Variants in STIP1 observed in about 807,000 individuals in gnomAD.
STIP1 encodes the protein stress-induced-phosphoprotein 1.
STIP1 carries 16 observed loss-of-function variants against 77.4 expected under a neutral mutation model. The ratio of observed to expected loss-of-function variants is 0.21; its 90% CI spans 0.14 to 0.31. The LOEUF (loss-of-function observed/expected upper bound fraction) is 0.31. Ranked by LOEUF, STIP1 falls within the 10% of genes least tolerant of loss-of-function variation. STIP1 has a pLI of 1.00. For missense variants in STIP1, 524 were observed against 684.8 expected, an observed-to-expected ratio of 0.77 and a Z score of 2.62; for synonymous variants, 258 against 246.6, an observed-to-expected ratio of 1.05 and a Z score of -0.44.
In STIP1 at chr11:64,197,008, C is replaced by T. The variant is rs558700278; in HGVS notation, c.673-263C>T. The T allele has an allele frequency of 2.0e-5, 9 of 445,424 alleles. No homozygotes were observed. The Admixed American group carries it at 2.1e-4, about 11-fold the overall frequency. The allele number at this position is 445,424 out of a possible 1,614,324, so 27.6% of individuals were successfully genotyped here. On this transcript the variant is annotated intron_variant, in intron 5 of 13. Coordinates refer to ENST00000305218, the MANE Select transcript of STIP1 (RefSeq NM_006819.3). ...TCAAGTCGAAGGGATTTCCTCTCCC[C>T]TAAAGAAGCGCTCTGCTTCCTGACA... is the stretch of plus-strand genomic sequence containing the variant.
chr11:64,200,739 T>C (rs1003167191), intron 10 of STIP1, among the ~76,000 whole-genome samples: 8 of 152,054 alleles, frequency 5.3e-5, no homozygotes, highest in South Asian at 2.1e-4. Context: ...CTCTTTTTTC[T>C]TTGTTTTTGC....
At chr11:64,194,089 C>T in intron 2 of STIP1, 100 bp from the exon 3 acceptor site, 5 of 1,489,036 alleles carry the variant, frequency 3.4e-6, no homozygotes, top group Non-Finnish European at 3.6e-6. Flanking sequence ...TGTGAATACT[C>T]ATTTTTCCCC....
chr11:64,197,992 AGG>A lies in STIP1; in HGVS notation c.1023+21_1023+22del. 1.3e-6 allele frequency: 2 copies of A among 1,598,388 alleles called. No individual in the cohort carries two copies. Among genetic ancestry groups the A allele is most frequent in the Non-Finnish European group, 1.7e-6 (2 of 1,173,928 alleles). ...GCCAGCAGGTGCGTAGGAAAAGAAT[AGG>A]GGTATTTTCTTGTTTTCCTAATAAT... On this transcript the variant is annotated intron_variant, in intron 8 of 13. Coordinates refer to ENST00000305218, the MANE Select transcript of STIP1 (RefSeq NM_006819.3).
chr11:64,195,816 CTTG>C lies in STIP1; in HGVS notation c.672+6_672+8del, dbSNP rs1946143580. 1.2e-6 allele frequency: 2 copies of C among 1,613,858 alleles called. No individual in the cohort carries two copies. Among genetic ancestry groups the C allele is most frequent in the African/African-American group, 1.3e-5 (1 of 74,852 alleles). ...ATCTTCCAGAGAATAAGAAGCAGGTCTTGTTTTTTTCTCTCCTCACTGTCACCT... is the reference window on the plus strand; with the variant it reads ...ATCTTCCAGAGAATAAGAAGCAGGTCTTTTTTTCTCTCCTCACTGTCACCT... On this transcript the variant is annotated splice_donor_5th_base_variant and intron_variant, in intron 5 of 13. Transcript: ENST00000305218.
At chr11:64,186,349 C>CCGGGCGGGGGTGGGGGGGGGGGGG in intron 1 of STIP1, 79 bp downstream of exon 1, 1 of 130,876 alleles carries the variant, frequency 7.6e-6, no homozygotes, top group Non-Finnish European at 1.4e-5. Flanking sequence ...GGGGGCGGGG[C>CCGGGCGGGGGTGGGGGGGGGGGGG]GGGCGCCGGA....
At chr11:64,191,512 A>G (rs1036820425) in intron 1 of STIP1, among the ~76,000 whole-genome samples, 9 of 152,150 alleles carry the variant, frequency 5.9e-5, no homozygotes, top group Non-Finnish European at 8.8e-5. Context: ...AGGCTGAGGC[A>G]GGAGAATCGC....
chr11:64,196,469 T>C (rs1419294399), intron 5 of STIP1, among the ~76,000 whole-genome samples: 3 of 147,174 alleles, frequency 2.0e-5, no homozygotes, highest in Admixed American at 1.4e-4. Context: ...GCTGCGGGAG[T>C]TGCCCTTCCC....
At chr11:64,186,080 C>T, upstream of STIP1, 1 of 1,548,686 alleles carries the variant, frequency 6.5e-7, no homozygotes, top group South Asian at 1.2e-5. Flanking sequence ...TGGGCTGGAC[C>T]TCAAGCCAAT....
At chr11:64,185,529 C>T, upstream of STIP1, 1 of 426,202 alleles carries the variant, frequency 2.3e-6, no homozygotes, top group Non-Finnish European at 4.3e-6. Context: ...CAGGCAGCTC[C>T]CACCGGCTAG....
rs369899227 is a variant in STIP1, at chr11:64,186,218, A to T, written c.-44A>T. On this transcript the variant is annotated 5_prime_UTR_variant, in exon 1 of 14. Coordinates refer to ENST00000305218, the MANE Select transcript of STIP1 (RefSeq NM_006819.3). ...GCGGCGCGTGCGGTTGGGAACGCGGAGCGGACGGATTCGATTCAACGGGGT... is the reference window on the plus strand; with the variant it reads ...GCGGCGCGTGCGGTTGGGAACGCGGTGCGGACGGATTCGATTCAACGGGGT... 1.3e-6 allele frequency: 2 copies of T among 1,549,966 alleles called. No homozygotes were observed. Among genetic ancestry groups the T allele is most frequent in the South Asian group, 2.4e-5 (2 of 84,040 alleles).
In STIP1 at chr11:64,194,973, C is replaced by G. The variant is rs577692707; in HGVS notation, c.503+353C>G. On this transcript the variant is annotated intron_variant, in intron 4 of 13. Transcript: ENST00000305218. ...TTCATGTGTAAAGATGTGTCTAAAT[C>G]TTGTACTGGTATTCATCTCTATCAA... Among the ~76,000 whole-genome samples the G allele has an allele frequency of 4.6e-5, 7 of 152,244 alleles. No homozygotes were observed. The South Asian group carries it at 1.2e-3, about 27-fold the overall frequency.
At chr11:64,203,260 C>T (rs1946241075) in intron 12 of STIP1, 32 bp downstream of exon 12, 4 of 1,610,440 alleles carry the variant, frequency 2.5e-6, no homozygotes, top group African/African-American at 2.7e-5. Context: ...AGGGGCCCCC[C>T]CTGCCTCTTT....
At chr11:64,203,703 A>G (rs1442638195) in intron 13 of STIP1, 81 bp downstream of exon 13, 2 of 1,561,342 alleles carry the variant, frequency 1.3e-6, no homozygotes, top group East Asian at 2.3e-5. Context: ...GGGGGGTGGT[A>G]TGCTCAGTCT....
In STIP1 at chr11:64,197,615, A is replaced by G. The variant is rs1426723818; in HGVS notation, c.902+20A>G. ...TGCCAAGTAGGCTCAACCTTCCAGA[A>G]TACCTTGAGTAGCGCGGAGGGTTTG... On this transcript the variant is annotated intron_variant, in intron 7 of 13. Coordinates refer to ENST00000305218, the MANE Select transcript of STIP1 (RefSeq NM_006819.3). 6 of 1,613,326 alleles carry G rather than the reference A, an allele frequency of 3.7e-6. No individual in the cohort carries two copies. The highest frequency in any genetic ancestry group is 4.2e-6 in the Non-Finnish European group (5 of 1,179,392).
Position 64,194,116 on chromosome 11 carries a change from T to C in STIP1, c.220-73T>C. On this transcript the variant is annotated intron_variant, in intron 2 of 13. Coordinates refer to ENST00000305218, the MANE Select transcript of STIP1 (RefSeq NM_006819.3). ...TTTTTCCCCCATAAAAGTAGAATTGTTCTTTTTTGAGTTCGTCTTCTAGAT... is the reference window on the plus strand; with the variant it reads ...TTTTTCCCCCATAAAAGTAGAATTGCTCTTTTTTGAGTTCGTCTTCTAGAT... 2.6e-6 allele frequency: 4 copies of C among 1,554,182 alleles called. No individual in the cohort carries two copies. The South Asian group carries it at 4.9e-5, about 19-fold the overall frequency.
In STIP1 at chr11:64,197,996, G is replaced by A. The variant is rs192039267; in HGVS notation, c.1023+22G>A. On this transcript the variant is annotated intron_variant, in intron 8 of 13. Transcript: ENST00000305218. ...GCAGGTGCGTAGGAAAAGAATAGGGGTATTTTCTTGTTTTCCTAATAATTG... is the reference window on the plus strand; with the variant it reads ...GCAGGTGCGTAGGAAAAGAATAGGGATATTTTCTTGTTTTCCTAATAATTG... 223 of 1,585,490 alleles carry A rather than the reference G, an allele frequency of 1.4e-4. No individual in the cohort carries two copies. The East Asian group carries it at 4.6e-3, about 32-fold the overall frequency.
chr11:64,194,048 A>C, intron 2 of STIP1, 141 bp from the exon 3 acceptor site: 4 of 1,167,960 alleles, frequency 3.4e-6, no homozygotes, highest in South Asian at 3.0e-5. Flanking sequence ...CTCGTAGCCT[A>C]CTCCTCTCCT....
chr11:64,190,454 G>A (rs544015262), intron 1 of STIP1, among the ~76,000 whole-genome samples: 72 of 152,000 alleles, frequency 4.7e-4, no homozygotes, highest in Non-Finnish European at 7.9e-4. Context: ...GATTACAGGC[G>A]TGAGCCACTG....
intron 1 of STIP1, among the ~76,000 whole-genome samples, chr11:64,188,068 T>C (rs1215472750): frequency 1.4e-5 from 2 of 142,750 alleles, no homozygotes; most frequent in Non-Finnish European, 3.0e-5. Context: ...GGATCTCGGC[T>C]GGGCGCAGTG....
Sources: gnomAD v4.1 joint callset for allele counts (sites outside exome capture counted in the v4.1 genomes callset) on GRCh38, gnomAD v4.1.1 for gene constraint, MANE v1.5 for transcripts, NCBI Gene and HGNC (gene_info 2026-07-23, HGNC 2026-07-21) for gene names.